PMPCB: variants seen among roughly 807,000 people sequenced by gnomAD.
PMPCB encodes the protein peptidase, mitochondrial processing subunit beta.
PMPCB carries 46 observed loss-of-function variants against 61.5 expected under a neutral mutation model. The ratio of observed to expected loss-of-function variants is 0.75; its 90% CI spans 0.59 to 0.96. The LOEUF is 0.96. PMPCB is among the 40% of genes least tolerant of loss of function. The probability of loss-of-function intolerance (pLI) is 0.00; values close to 1 mark genes in which losing one functional copy is unlikely to be tolerated. For missense variants in PMPCB, 590 were observed against 602.4 expected (o/e 0.98, Z 0.22); for synonymous variants, 191 against 201.6 (o/e 0.95, Z 0.44).
chr7:103,320,180 C>T (rs918153386), intron 12 of PMPCB, among the ~76,000 whole-genome samples: 81 of 152,214 alleles, frequency 5.3e-4, no homozygotes, highest in Non-Finnish European at 9.9e-4. Flanking sequence ...CCTCCACCTC[C>T]CGGGTTCAAG....
the PMPCB span, chr7:103,344,352 A>C: frequency 3.3e-6 from 2 of 598,162 alleles, no homozygotes; most frequent in African/African-American, 3.7e-5. Context: ...GGTAGGAGCA[A>C]AAGGAAGGCA....
intron 12 of PMPCB, among the ~76,000 whole-genome samples, chr7:103,325,881 G>A (rs1818676587): frequency 6.6e-6 from 1 of 152,128 alleles, no homozygotes. Flanking sequence ...AACTGACAAT[G>A]AGTCAGAGAG....
At chr7:103,344,538 C>T in the PMPCB span, 1 of 1,613,656 alleles carries the variant, frequency 6.2e-7, no homozygotes, top group Non-Finnish European at 8.5e-7. Context: ...GAGAAGGAAC[C>T]GAGGTTGGGT....
chr7:103,298,117 A>G (rs1010990055), intron 1 of PMPCB, among the ~76,000 whole-genome samples: 6 of 151,332 alleles, frequency 4.0e-5, no homozygotes, highest in South Asian at 2.1e-4. Flanking sequence ...CCATCTTCCT[A>G]TCCTCTCTCT....
chr7:103,319,042 T>C (rs1818232524), downstream of PMPCB, among the ~76,000 whole-genome samples: 1 of 151,924 alleles, frequency 6.6e-6, no homozygotes, highest in Non-Finnish European at 1.5e-5. Context: ...CGAAACCCTG[T>C]CTCTAGTAAA....
intron 4 of PMPCB, 76 bp from the exon 5 acceptor site, chr7:103,303,766 T>C: frequency 1.0e-6 from 1 of 986,434 alleles, no homozygotes; most frequent in Non-Finnish European, 1.5e-6. Context: ...TCATGATTTC[T>C]GATTTTGGTT....
At chr7:103,299,349 C>A in intron 2 of PMPCB, 94 bp from the exon 3 acceptor site, 1 of 701,460 alleles carries the variant, frequency 1.4e-6, no homozygotes, top group Non-Finnish European at 2.4e-6. Flanking sequence ...GTGTTAAGAC[C>A]AGAAAGCATT....
At position 103,312,620 on chromosome 7, in the gene PMPCB, T is replaced by G. The variant is rs1817810980; in HGVS notation, c.*349T>G. Reference sequence around the variant, plus strand: ...GCACTTGTTCTTGAGCAGCTTTCTTTGCTTTTACCATCTCGACAAGTTCCT... The same window carrying G: ...GCACTTGTTCTTGAGCAGCTTTCTTGGCTTTTACCATCTCGACAAGTTCCT... On this transcript the variant is annotated 3_prime_UTR_variant, in exon 13 of 13. Coordinates refer to ENST00000249269, the MANE Select transcript of PMPCB (RefSeq NM_004279.3). 3.7e-6 allele frequency: 6 copies of G among 1,613,612 alleles called. No individual in the cohort carries two copies. The highest frequency in any genetic ancestry group is 4.2e-6 in the Non-Finnish European group (5 of 1,179,868).
In PMPCB at chr7:103,313,676, TA is replaced by T; in HGVS notation, c.*1409del. 1.0e-6 allele frequency: 1 copy of T among 985,452 alleles called. No homozygotes were observed. Among genetic ancestry groups the T allele is most frequent in the Middle Eastern group, 5.2e-4 (1 of 1,914 alleles). The allele number at this position is 985,452 out of a possible 1,614,324, so 61.0% of individuals were successfully genotyped here. A position where few individuals can be genotyped will look rare whatever the true frequency, so the allele number is the denominator to read the frequency against. On this transcript the variant is annotated 3_prime_UTR_variant, in exon 13 of 13. Transcript: ENST00000249269. ...GTGGTGTTCTCTTCGTCACATCTGCTAAAATCTTGGGAGCCGATGCTGAACA... is the reference window on the plus strand; with the variant it reads ...GTGGTGTTCTCTTCGTCACATCTGCTAAATCTTGGGAGCCGATGCTGAACA...
chr7:103,315,330 C>T (rs1817988825), downstream of PMPCB, among the ~76,000 whole-genome samples: 2 of 152,002 alleles, frequency 1.3e-5, no homozygotes, highest in Non-Finnish European at 2.9e-5. Flanking sequence ...TTATTTTTAC[C>T]TATATGTACA....
the PMPCB span, chr7:103,344,309 C>G: frequency 5.2e-6 from 3 of 577,278 alleles, no homozygotes; most frequent in South Asian, 6.4e-5. Flanking sequence ...CAGCCCAATC[C>G]ATGAGTCAGC....
At chr7:103,315,220 A>G (rs1817982217), downstream of PMPCB, among the ~76,000 whole-genome samples, 1 of 151,598 alleles carries the variant, frequency 6.6e-6, no homozygotes, top group African/African-American at 2.4e-5. Flanking sequence ...AACCCTAACA[A>G]TTTTTAACAT....
downstream of PMPCB, chr7:103,316,154 C>T (rs969972261): frequency 1.2e-5 from 12 of 1,040,836 alleles, no homozygotes; most frequent in South Asian, 1.4e-4. Flanking sequence ...ACGACAAAAA[C>T]CATTAGATTT....
Position 103,311,740 on chromosome 7 carries a change from G to C in PMPCB, c.1240+12G>C, listed in dbSNP as rs761516049. ...GTTGCAGCTTGATGGTAAAAATAAA[G>C]ATATAGGTTCTGTTTTCATATGGTT... On this transcript the variant is annotated intron_variant, in intron 10 of 12. Transcript: ENST00000249269. The C allele has an allele frequency of 1.9e-6, 3 of 1,611,214 alleles. No individual in the cohort carries two copies. The highest frequency in any genetic ancestry group is 1.7e-4 in the Middle Eastern group (1 of 6,056).
chr7:103,339,604 G>GTT, the PMPCB span, among the ~76,000 whole-genome samples: 8 of 143,900 alleles, frequency 5.6e-5, no homozygotes, highest in African/African-American at 7.6e-5. Flanking sequence ...AAATCCAATG[G>GTT]TTTTTTTTTT....
At chr7:103,311,600 A>T (rs1184243281) in intron 9 of PMPCB, 43 bp from the exon 10 acceptor site, 1 of 1,432,856 alleles carries the variant, frequency 7.0e-7, no homozygotes, top group Non-Finnish European at 9.8e-7. Context: ...AACTCATGAA[A>T]TACAACATTT....
downstream of PMPCB, among the ~76,000 whole-genome samples, chr7:103,318,223 C>T (rs938562978): frequency 4.3e-4 from 66 of 151,800 alleles, 1 homozygote; most frequent in African/African-American, 1.4e-3. Flanking sequence ...TGGAGTGCAC[C>T]GACATGATCA....
Position 103,300,186 on chromosome 7 carries a change from G to T in PMPCB, c.336G>T (p.Lys112Asn). 6.2e-7 allele frequency: 1 copy of T among 1,610,930 alleles called. No individual in the cohort carries two copies. The highest frequency in any genetic ancestry group is 1.7e-4 in the Middle Eastern group (1 of 6,044). ...TCCTCTTTTATTTCAAGGGCACCAA[G>T]AAGAGATCCCAGTTAGATCTGGAAC... ...FLEHMAFKGT[K>N]KRSQLDLELE... The change falls in exon 4 of 13, where the codon AAG becomes AAT. Residue 112 changes from lysine (K) to asparagine (N), a missense_variant. By Grantham distance (94) the Lys-to-Asn change is moderately conservative (BLOSUM62 0). Transcript: ENST00000249269.
intron 4 of PMPCB, 71 bp from the exon 5 acceptor site, chr7:103,303,771 T>C: frequency 9.6e-7 from 1 of 1,040,540 alleles, no homozygotes; most frequent in South Asian, 1.6e-5. Context: ...ATTTCTGATT[T>C]TGGTTTAATA....
Sources: gnomAD v4.1 joint callset for allele counts (sites outside exome capture counted in the v4.1 genomes callset) on GRCh38, gnomAD v4.1.1 for gene constraint, MANE v1.5 for transcripts, NCBI Gene and HGNC (gene_info 2026-07-23, HGNC 2026-07-21) for gene names.